Variants in RNLS observed in about 807,000 individuals in gnomAD.
RNLS encodes renalase, FAD dependent amine oxidase.
RNLS carries 39 observed loss-of-function variants against 39.8 expected under a neutral mutation model. The observed-to-expected ratio is 0.98, with a 90% CI of 0.76 to 1.28. The LOEUF is 1.28. RNLS is among the 50% of genes most tolerant of loss of function. The pLI is 0.00. For missense variants in RNLS, 410 were observed against 413.3 expected (o/e 0.99, Z 0.07); for synonymous variants, 147 against 150.7 (o/e 0.98, Z 0.18).
chr10:88,583,279 C>A lies in RNLS; in HGVS notation c.-89G>T, dbSNP rs369796318. 1.5e-4 allele frequency: 235 copies of A among 1,562,404 alleles called. No individual in the cohort carries two copies. In the African/African-American group the frequency reaches 2.6e-3, roughly 17 times the overall value. ...GGAAAGGCGGCCGAACCGGCGCTAG[C>A]GCTCTTTGGTTCCGTGCTCCCTGGG... On this transcript the variant is annotated 5_prime_UTR_variant, in exon 1 of 7. Coordinates refer to ENST00000331772, the MANE Select transcript of RNLS (RefSeq NM_001031709.3).
chr10:88,300,726 C>A (rs1445355077), intron 6 of RNLS, among the ~76,000 whole-genome samples: 2 of 152,066 alleles, frequency 1.3e-5, no homozygotes, highest in Non-Finnish European at 2.9e-5. Context: ...TCTTTAGAAC[C>A]CAGTTCAATG....
chr10:88,277,963 G>GA (rs1842873342), intron 6 of RNLS, among the ~76,000 whole-genome samples: 1 of 152,134 alleles, frequency 6.6e-6, no homozygotes, highest in South Asian at 2.1e-4. Flanking sequence ...AATTTTAGCA[G>GA]ATTTGTCAAA....
the RNLS span, among the ~76,000 whole-genome samples, chr10:88,230,157 T>A: frequency 2.6e-5 from 4 of 152,182 alleles, no homozygotes; most frequent in African/African-American, 9.7e-5. Flanking sequence ...AGAGGCTGAA[T>A]ATTTGAACAA....
chr10:88,245,214 A>T, the RNLS span, among the ~76,000 whole-genome samples: 2 of 152,202 alleles, frequency 1.3e-5, no homozygotes, highest in African/African-American at 4.8e-5. Flanking sequence ...GTTGCTTTTG[A>T]TTAGCATAAC....
chr10:88,581,991 C>T (rs530406562), intron 2 of RNLS, among the ~76,000 whole-genome samples: 4 of 152,258 alleles, frequency 2.6e-5, no homozygotes, highest in Admixed American at 2.6e-4. Flanking sequence ...TTAATGAAAA[C>T]AAACAAATGT....
chr10:88,237,646 A>G, the RNLS span, among the ~76,000 whole-genome samples: 32 of 152,358 alleles, frequency 2.1e-4, no homozygotes, highest in South Asian at 3.7e-3. Flanking sequence ...ATGGGCTTAT[A>G]AGAAAGTAGC....
rs113549465 is a variant in RNLS, at chr10:88,518,554, C to G, written c.526+54349G>C. Among the ~76,000 whole-genome samples the G allele has an allele frequency of 1.2e-3, 185 of 152,058 alleles. 1 individual carries two copies. The highest frequency in any genetic ancestry group is 4.2e-3 in the African/African-American group (173 of 41,516). On this transcript the variant is annotated intron_variant, in intron 4 of 6. Coordinates refer to ENST00000331772, the MANE Select transcript of RNLS (RefSeq NM_001031709.3). ...TATAATTGGTTTGCTGTTCATCTCT[C>G]CCATTATACTATGAACTGCAAAAGC...
intron 4 of RNLS, among the ~76,000 whole-genome samples, chr10:88,460,789 T>C (rs1374396233): frequency 1.3e-5 from 2 of 152,174 alleles, no homozygotes; most frequent in African/African-American, 4.8e-5. Flanking sequence ...TCACTTCCAT[T>C]TGACCTCTTT....
chr10:88,347,232 C>A (rs1848369411), intron 5 of RNLS, among the ~76,000 whole-genome samples: 1 of 152,260 alleles, frequency 6.6e-6, no homozygotes, highest in South Asian at 2.1e-4. Context: ...GAGCAGCTCA[C>A]ATTATTTTGA....
intron 5 of RNLS, among the ~76,000 whole-genome samples, chr10:88,350,298 T>C (rs559255539): frequency 5.6e-4 from 85 of 152,200 alleles, no homozygotes; most frequent in Non-Finnish European, 1.1e-3. Context: ...TTGTTACATA[T>C]GTATACATGT....
intron 6 of RNLS, among the ~76,000 whole-genome samples, chr10:88,301,921 C>T (rs1285014037): frequency 2.6e-5 from 4 of 152,126 alleles, no homozygotes; most frequent in East Asian, 1.9e-4. Context: ...AAGAGAGCAA[C>T]GAACACAGAG....
chr10:88,419,179 C>T (rs1001367168), intron 4 of RNLS, among the ~76,000 whole-genome samples: 1 of 152,182 alleles, frequency 6.6e-6, no homozygotes, highest in Non-Finnish European at 1.5e-5. Context: ...CCCCCTCCCA[C>T]CCACAGACAT....
chr10:88,394,716 A>T (rs1314013953), intron 4 of RNLS, among the ~76,000 whole-genome samples: 1 of 152,160 alleles, frequency 6.6e-6, no homozygotes, highest in Non-Finnish European at 1.5e-5. Flanking sequence ...AGGATTATAA[A>T]TCATGCTGCT....
chr10:88,564,145 C>CG (rs1266951728), intron 4 of RNLS, among the ~76,000 whole-genome samples: 1 of 152,008 alleles, frequency 6.6e-6, no homozygotes, highest in Non-Finnish European at 1.5e-5. Flanking sequence ...TTAGAGTTTG[C>CG]CTTCTTGAGA....
chr10:88,239,671 T>C, the RNLS span, among the ~76,000 whole-genome samples: 4 of 152,242 alleles, frequency 2.6e-5, no homozygotes, highest in Admixed American at 2.6e-4. Context: ...GTCCTTTCTT[T>C]CCCAGGCTGG....
At chr10:88,317,448 G>A (rs1445133501) in intron 5 of RNLS, among the ~76,000 whole-genome samples, 4 of 152,160 alleles carry the variant, frequency 2.6e-5, no homozygotes, top group Non-Finnish European at 5.9e-5. Flanking sequence ...GCTTTAGAAA[G>A]GGATAACAGA....
At chr10:88,383,557 C>CAAACT (rs1230038352) in intron 4 of RNLS, among the ~76,000 whole-genome samples, 1 of 152,128 alleles carries the variant, frequency 6.6e-6, no homozygotes, top group Non-Finnish European at 1.5e-5. Context: ...CTTTTGAGTT[C>CAAACT]AAACTACAAT....
the RNLS span, among the ~76,000 whole-genome samples, chr10:88,197,700 A>C: frequency 5.3e-5 from 8 of 152,220 alleles, no homozygotes; most frequent in Admixed American, 2.0e-4. Context: ...TTTAAGAGTA[A>C]TTAAGGTTAA....
intron 2 of RNLS, 32 bp from the exon 3 acceptor site, chr10:88,581,741 AT>A (rs1206223437): frequency 2.1e-6 from 3 of 1,397,740 alleles, no homozygotes; most frequent in Non-Finnish European, 2.9e-6. Context: ...ATTTAATGTA[AT>A]TATATACCAT....
Sources: allele counts gnomAD v4.1 joint callset (sites outside exome capture counted in the v4.1 genomes callset), GRCh38; gene constraint gnomAD v4.1.1; transcripts MANE v1.5; gene names NCBI Gene and HGNC (gene_info 2026-07-23, HGNC 2026-07-21).